GOLM1: variants seen among roughly 807,000 people sequenced by gnomAD.
GOLM1 encodes golgi membrane protein 1, also known as epididymis luminal protein 46.
Under a neutral mutation model 50.5 loss-of-function variants are expected in GOLM1, and 31 were observed. That is an observed-to-expected ratio of 0.61 (90% CI 0.46 to 0.83). The LOEUF is 0.83. GOLM1 is among the 40% of genes least tolerant of loss of function. The pLI, the probability that GOLM1 is intolerant of heterozygous loss-of-function variation, is 0.00. For missense variants in GOLM1, 491 were observed against 501.3 expected, an observed-to-expected ratio of 0.98 and a Z score of 0.20; for synonymous variants, 178 against 192.8, an observed-to-expected ratio of 0.92 and a Z score of 0.64.
At chr9:86,052,071 T>G (rs1833771804) in intron 4 of GOLM1, among the ~76,000 whole-genome samples, 1 of 152,144 alleles carries the variant, frequency 6.6e-6, no homozygotes, top group African/African-American at 2.4e-5. Flanking sequence ...CCCCATTTCC[T>G]GCTCTGTGGC....
intron 3 of GOLM1, among the ~76,000 whole-genome samples, chr9:86,062,308 G>A (rs1260536593): frequency 6.6e-6 from 1 of 152,094 alleles, no homozygotes; most frequent in East Asian, 1.9e-4. Context: ...TTGATGGCGA[G>A]GGGGCCTGAA....
At chr9:86,034,254 C>T (rs1466216893) in intron 8 of GOLM1, among the ~76,000 whole-genome samples, 2 of 152,180 alleles carry the variant, frequency 1.3e-5, no homozygotes, top group Non-Finnish European at 2.9e-5. Context: ...TGAGCCACTG[C>T]GCCCGGCCAA....
At chr9:86,062,729 G>A (rs368411893) in intron 3 of GOLM1, among the ~76,000 whole-genome samples, 8 of 144,164 alleles carry the variant, frequency 5.5e-5, no homozygotes, top group Non-Finnish European at 1.2e-4. Flanking sequence ...AGAAGCAAAC[G>A]GGGGGGGCTG....
chr9:86,082,381 CT>C (rs35328152), intron 1 of GOLM1, among the ~76,000 whole-genome samples: 24 of 141,302 alleles, frequency 1.7e-4, no homozygotes, highest in South Asian at 6.8e-4. Context: ...CTTTTCTTTC[CT>C]TTTTTTTTTT....
chr9:86,042,538 C>T (rs7874028), intron 5 of GOLM1, among the ~76,000 whole-genome samples: 15,040 of 152,132 alleles, frequency 0.099, 2,001 homozygotes, highest in East Asian at 0.36. Flanking sequence ...AATGCAGTGC[C>T]GAGTTCCTGA....
chr9:86,027,932 A>T, intron 9 of GOLM1, 39 bp from the exon 10 acceptor site: 1 of 1,215,054 alleles, frequency 8.2e-7, no homozygotes, highest in Non-Finnish European at 1.2e-6. Context: ...TAGAGTATTA[A>T]ATGAGATACT....
At chr9:86,089,117 A>C (rs1404787241) in intron 1 of GOLM1, among the ~76,000 whole-genome samples, 1 of 152,192 alleles carries the variant, frequency 6.6e-6, no homozygotes, top group Non-Finnish European at 1.5e-5. Context: ...GGGGTTCTGC[A>C]GAGAGATCTG....
intron 1 of GOLM1, chr9:86,084,834 G>A (rs1184271006): frequency 6.6e-6 from 1 of 152,130 alleles, no homozygotes; most frequent in Non-Finnish European, 1.5e-5. Context: ...CGGATCACGA[G>A]GTCAGGAGTT....
intron 9 of GOLM1, among the ~76,000 whole-genome samples, chr9:86,032,832 G>A (rs1194519313): frequency 6.6e-6 from 1 of 152,182 alleles, no homozygotes; most frequent in Admixed American, 6.5e-5. Flanking sequence ...GACAAGGCCA[G>A]AGTTTGATAC....
intron 4 of GOLM1, among the ~76,000 whole-genome samples, chr9:86,051,090 CATCCT>C (rs1452204705): frequency 5.8e-4 from 89 of 152,160 alleles, no homozygotes; most frequent in Non-Finnish European, 1.1e-3. Flanking sequence ...TTTCAAATAA[CATCCT>C]TATTTCTGCC....
At chr9:86,027,921 A>G (rs1032112202) in intron 9 of GOLM1, 28 bp from the exon 10 acceptor site, 9 of 1,363,174 alleles carry the variant, frequency 6.6e-6, no homozygotes, top group Non-Finnish European at 9.4e-6. Context: ...ATAATATTCT[A>G]TAGAGTATTA....
intron 3 of GOLM1, among the ~76,000 whole-genome samples, chr9:86,056,015 G>A (rs987845877): frequency 6.6e-6 from 1 of 152,054 alleles, no homozygotes; most frequent in Non-Finnish European, 1.5e-5. Context: ...TTATTACACA[G>A]TGTTTACCCC....
Position 86,026,910 on chromosome 9 carries a change from T to C in GOLM1, c.*907A>G, listed in dbSNP as rs991901164. On this transcript the variant is annotated 3_prime_UTR_variant, in exon 10 of 10. Coordinates refer to ENST00000388712, the MANE Select transcript of GOLM1 (RefSeq NM_016548.4). ...CACTGTATATATCCTTCGACATCAA[T>C]GAACTTTGTTTTCTTTTACTCCAGT... 1 of 984,704 alleles carries C rather than the reference T, an allele frequency of 1.0e-6. No homozygotes were observed. Among genetic ancestry groups the C allele is most frequent in the Non-Finnish European group, 1.2e-6 (1 of 829,408 alleles). 61.0% of individuals were successfully genotyped at this position (984,704 alleles called of 1,614,324 possible). A position where few individuals can be genotyped will look rare whatever the true frequency, so the allele number is the denominator to read the frequency against.
intron 3 of GOLM1, among the ~76,000 whole-genome samples, chr9:86,061,623 G>C (rs944021806): frequency 1.3e-5 from 2 of 152,136 alleles, no homozygotes; most frequent in Non-Finnish European, 1.5e-5. Flanking sequence ...CCTTGACTTT[G>C]GACGCTTCGT....
At chr9:86,039,130 C>A (rs1302554297) in intron 6 of GOLM1, among the ~76,000 whole-genome samples, 1 of 152,086 alleles carries the variant, frequency 6.6e-6, no homozygotes, top group Non-Finnish European at 1.5e-5. Flanking sequence ...AAAAAATGAG[C>A]AAAGGACCCA....
intron 1 of GOLM1, among the ~76,000 whole-genome samples, chr9:86,093,292 G>T (rs940612012): frequency 6.7e-6 from 1 of 150,348 alleles, no homozygotes; most frequent in Non-Finnish European, 1.5e-5. Flanking sequence ...CAGGAGAATC[G>T]CTTGAACTTG....
intron 3 of GOLM1, among the ~76,000 whole-genome samples, chr9:86,060,488 G>T (rs1288335303): frequency 1.3e-5 from 2 of 152,138 alleles, no homozygotes; most frequent in African/African-American, 4.8e-5. Context: ...GTCGCTGGAT[G>T]CATGTTCCCA....
chr9:86,054,025 T>G (rs1349434961), intron 3 of GOLM1, among the ~76,000 whole-genome samples: 1 of 152,178 alleles, frequency 6.6e-6, no homozygotes, highest in Non-Finnish European at 1.5e-5. Context: ...ACTTCTGGCC[T>G]CCTTCTCCTG....
Position 86,035,559 on chromosome 9 carries a change from C to G in GOLM1, c.824G>C (p.Gly275Ala). 6.2e-7 allele frequency: 1 copy of G among 1,610,314 alleles called. No individual in the cohort carries two copies. The highest frequency in any genetic ancestry group is 8.5e-7 in the Non-Finnish European group (1 of 1,179,878). Reference protein sequence around the residue: ...PQRDRLPQEPGREQVVEDRPV... With the variant: ...PQRDRLPQEPAREQVVEDRPV... ...TCTGTCTTCCACCACCTGCTCCCGG[C>G]CTGGCTCCTGCGGCAGCCTGTCCCT... is the stretch of plus-strand genomic sequence containing the variant. Residue 275 changes from glycine to alanine, a missense_variant, in exon 8 of 10, where the codon GGC becomes GCC. Coordinates refer to ENST00000388712, the MANE Select transcript of GOLM1 (RefSeq NM_016548.4).
Sources: gnomAD v4.1 joint callset for allele counts (sites outside exome capture counted in the v4.1 genomes callset) on GRCh38, gnomAD v4.1.1 for gene constraint, MANE v1.5 for transcripts, NCBI Gene and HGNC (gene_info 2026-07-23, HGNC 2026-07-21) for gene names.